The following ADGRL3 variants were observed in gnomAD, a reference collection of about 807,000 sequenced individuals.
ADGRL3 encodes the protein adhesion G protein-coupled receptor L3.
A neutral mutation model predicts 153.5 loss-of-function variants in ADGRL3; 62 were observed. That is an observed-to-expected ratio of 0.40 (90% confidence interval 0.33 to 0.50). The LOEUF (loss-of-function observed/expected upper bound fraction) is 0.50. Ranked by LOEUF, ADGRL3 falls within the 20% of genes least tolerant of loss-of-function variation. The pLI is 0.47. For missense variants in ADGRL3, 1,641 were observed against 1,859.4 expected (o/e 0.88, Z 2.16); for synonymous variants, 710 against 672.5 (o/e 1.06, Z -0.86).
At chr4:61,935,825 C>T (rs961434425) in intron 14 of ADGRL3, 98 bp from the exon 15 acceptor site, 1 of 1,018,650 alleles carries the variant, frequency 9.8e-7, no homozygotes. Context: ...AATAAGAATT[C>T]CAGTATTTTG....
chr4:61,313,025 G>A (rs1465314892), intron 1 of ADGRL3, among the ~76,000 whole-genome samples: 2 of 152,134 alleles, frequency 1.3e-5, no homozygotes, highest in Non-Finnish European at 2.9e-5. Flanking sequence ...CCATACAATG[G>A]TGTGTTATTC....
chr4:61,227,064 T>G (rs1748313515), intron 1 of ADGRL3, among the ~76,000 whole-genome samples: 2 of 152,080 alleles, frequency 1.3e-5, no homozygotes, highest in South Asian at 2.1e-4. Context: ...TTTTCTGAAG[T>G]TTAACTTGAA....
At chr4:61,275,960 G>A (rs905073740) in intron 1 of ADGRL3, among the ~76,000 whole-genome samples, 7 of 152,070 alleles carry the variant, frequency 4.6e-5, no homozygotes, top group African/African-American at 1.4e-4. Flanking sequence ...TGTAGCACAG[G>A]CCAAAGAAAG....
At chr4:61,716,120 T>G (rs905203733) in intron 6 of ADGRL3, among the ~76,000 whole-genome samples, 6 of 152,116 alleles carry the variant, frequency 3.9e-5, no homozygotes, top group African/African-American at 1.4e-4. Flanking sequence ...TAATGACTTA[T>G]TTTTTGGTGA....
In ADGRL3 at chr4:61,462,299, T is replaced by C. The variant is rs1221292386; in HGVS notation, c.-173-34822T>C. Among the ~76,000 whole-genome samples the C allele has an allele frequency of 3.9e-5, 6 of 152,334 alleles. No homozygotes were observed. The East Asian group carries it at 9.7e-4, about 25-fold the overall frequency. ...ATCTACATTAAGATCAAATCTTGTCTTTTATTAAAATACATATGCTCTTGG... is the reference window on the plus strand; with the variant it reads ...ATCTACATTAAGATCAAATCTTGTCCTTTATTAAAATACATATGCTCTTGG... On this transcript the variant is annotated intron_variant, in intron 2 of 26. Coordinates refer to ENST00000683033, the MANE Select transcript of ADGRL3 (RefSeq NM_001387552.1).
chr4:61,678,336 G>C (rs1455527511), intron 6 of ADGRL3, among the ~76,000 whole-genome samples: 1 of 151,776 alleles, frequency 6.6e-6, no homozygotes, highest in African/African-American at 2.4e-5. Flanking sequence ...ATTCATATTT[G>C]TATGTTCATA....
intron 8 of ADGRL3, among the ~76,000 whole-genome samples, chr4:61,796,806 A>C (rs1049155377): frequency 6.6e-6 from 1 of 152,220 alleles, no homozygotes; most frequent in Non-Finnish European, 1.5e-5. Context: ...TAATGAATCT[A>C]ACTGTAAAGG....
At chr4:61,967,341 G>A (rs2099010730) in intron 17 of ADGRL3, among the ~76,000 whole-genome samples, 3 of 152,000 alleles carry the variant, frequency 2.0e-5, no homozygotes, top group Non-Finnish European at 4.4e-5. Flanking sequence ...ACTATGGCAT[G>A]TTTATATTTG....
chr4:61,694,474 A>C lies in ADGRL3; in HGVS notation c.583+17539A>C, dbSNP rs561930514. 2.0e-5 allele frequency among the ~76,000 whole-genome samples: 3 copies of C among 152,218 alleles called. No individual in the cohort carries two copies. The South Asian group carries it at 6.2e-4, about 32-fold the overall frequency. On this transcript the variant is annotated intron_variant, in intron 6 of 26. Coordinates refer to ENST00000683033, the MANE Select transcript of ADGRL3 (RefSeq NM_001387552.1). ...GTTTACATTATGCTATAGTCTATTA[A>C]GTGTGCAGTATGTCTATAAAAAGAA...
intron 1 of ADGRL3, among the ~76,000 whole-genome samples, chr4:61,338,472 G>T (rs2095734201): frequency 6.6e-6 from 1 of 151,832 alleles, no homozygotes; most frequent in African/African-American, 2.4e-5. Context: ...GGTGGCACAG[G>T]GATCTGCATG....
intron 13 of ADGRL3, among the ~76,000 whole-genome samples, chr4:61,934,353 A>G (rs1581527972): frequency 6.6e-6 from 1 of 152,210 alleles, no homozygotes; most frequent in Non-Finnish European, 1.5e-5. Context: ...TAGGTTTGCT[A>G]TGTGAGTCAT....
At chr4:61,710,062 CA>C (rs1209319785) in intron 6 of ADGRL3, among the ~76,000 whole-genome samples, 1 of 152,134 alleles carries the variant, frequency 6.6e-6, no homozygotes, top group Non-Finnish European at 1.5e-5. Flanking sequence ...AATTATTTAA[CA>C]GAAGTTACTT....
intron 21 of ADGRL3, among the ~76,000 whole-genome samples, chr4:62,019,325 A>G (rs1424062013): frequency 6.6e-6 from 1 of 152,108 alleles, no homozygotes; most frequent in East Asian, 1.9e-4. Flanking sequence ...ATTGTCATGT[A>G]GTCATATGCA....
intron 2 of ADGRL3, among the ~76,000 whole-genome samples, chr4:61,417,704 C>CT (rs57443466): frequency 6.7e-6 from 1 of 149,626 alleles, no homozygotes; most frequent in African/African-American, 2.5e-5. Flanking sequence ...TGCCAAATGA[C>CT]TTTTTTTTTT....
chr4:62,076,938 C>A lies in ADGRL3; in HGVS notation c.*6030C>A, dbSNP rs1747341074. 6.6e-6 allele frequency: 1 copy of A among 150,896 alleles called. No homozygotes were observed. The allele number at this position is 150,896 out of a possible 1,614,324, so 9.3% of individuals were successfully genotyped here. On this transcript the variant is annotated 3_prime_UTR_variant, in exon 27 of 27. Transcript: ENST00000683033. ...TACATTATACAAAATAATTCATAAC[C>A]AAGAAATATTCATACTATAGAATAA...
intron 17 of ADGRL3, among the ~76,000 whole-genome samples, chr4:61,952,608 T>G (rs1404520426): frequency 6.6e-6 from 1 of 152,186 alleles, no homozygotes; most frequent in Non-Finnish European, 1.5e-5. Flanking sequence ...TTACCTTACC[T>G]GTGTCAGCAC....
At chr4:61,843,045 C>A (rs1240505248) in intron 9 of ADGRL3, among the ~76,000 whole-genome samples, 1 of 151,556 alleles carries the variant, frequency 6.6e-6, no homozygotes, top group East Asian at 1.9e-4. Flanking sequence ...TTGAGAGATT[C>A]AACTGAAAAA....
chr4:61,432,584 TTCTTTC>T (rs2097372095), intron 2 of ADGRL3, among the ~76,000 whole-genome samples: 1 of 5,606 alleles, frequency 1.8e-4, no homozygotes, highest in East Asian at 0.014. Flanking sequence ...CTTTCTTTCT[TTCTTTC>T]TTTCTTTCTT....
chr4:61,229,149 A>C (rs1560370363), intron 1 of ADGRL3, among the ~76,000 whole-genome samples: 1 of 152,152 alleles, frequency 6.6e-6, no homozygotes, highest in Non-Finnish European at 1.5e-5. Context: ...TGAGGCTTTG[A>C]TTATTTTAAA....
Sources: gnomAD v4.1 joint callset for allele counts (sites outside exome capture counted in the v4.1 genomes callset) on GRCh38, gnomAD v4.1.1 for gene constraint, MANE v1.5 for transcripts, NCBI Gene and HGNC (gene_info 2026-07-23, HGNC 2026-07-21) for gene names.